Variants in MMD2 observed in about 807,000 individuals in gnomAD.
MMD2 encodes monocyte to macrophage differentiation associated 2, also known as monocyte to macrophage differentiation factor 2.
Under a neutral mutation model 33.5 loss-of-function variants are expected in MMD2, and 30 were observed. That is an observed-to-expected ratio of 0.90 (90% CI 0.67 to 1.22). The LOEUF is 1.22. Among genes scored for constraint, MMD2 ranks in the 50% most tolerant of loss-of-function variants. MMD2 has a pLI of 0.00. For missense variants in MMD2, 364 were observed against 325.4 expected (o/e 1.12, Z -0.91); for synonymous variants, 129 against 123.0 (o/e 1.05, Z -0.32).
At chr7:4,936,185 CA>C (rs61343659) in intron 1 of MMD2, among the ~76,000 whole-genome samples, 24,100 of 83,844 alleles carry the variant, frequency 0.29, 2,222 homozygotes, top group African/African-American at 0.42. Flanking sequence ...AACTCTGTCT[CA>C]AAAAAAAAAA....
chr7:4,930,958 C>T (rs868121326), intron 1 of MMD2, among the ~76,000 whole-genome samples: 4 of 152,136 alleles, frequency 2.6e-5, no homozygotes, highest in African/African-American at 7.2e-5. Context: ...TCAAGTGACT[C>T]GCCTGCCTCA....
chr7:4,939,044 C>T (rs989765084), intron 1 of MMD2, among the ~76,000 whole-genome samples: 3 of 151,886 alleles, frequency 2.0e-5, no homozygotes, highest in African/African-American at 7.3e-5. Context: ...CCCATCTCTA[C>T]TAAAAATACA....
At chr7:4,918,678 G>A (rs1362151042) in intron 3 of MMD2, among the ~76,000 whole-genome samples, 2 of 151,880 alleles carry the variant, frequency 1.3e-5, no homozygotes, top group Non-Finnish European at 2.9e-5. Context: ...AGGAGAGACA[G>A]GGTTTCACCA....
rs956851117 is a variant in MMD2, at chr7:4,940,643, G to T, written c.48-15111C>A. Among the ~76,000 whole-genome samples the T allele has an allele frequency of 6.6e-6, 1 of 152,222 alleles. No individual in the cohort carries two copies. The highest frequency in any genetic ancestry group is 2.4e-5 in the African/African-American group (1 of 41,464). On this transcript the variant is annotated intron_variant, in intron 1 of 6. Transcript: ENST00000401401. The surrounding 1 kb of genome is among the most constrained non-coding windows in gnomAD (Gnocchi z 5.0). ...CTCCTGAAAGGCCGGCGGTATCTTG[G>T]CTCAGTCTTTGGGAAACAGTCCTTG...
At chr7:4,918,651 C>T (rs1351795774) in intron 3 of MMD2, among the ~76,000 whole-genome samples, 1 of 151,852 alleles carries the variant, frequency 6.6e-6, no homozygotes, top group Non-Finnish European at 1.5e-5. Context: ...CAGTGCCTGG[C>T]TAATTTTTGT....
intron 1 of MMD2, among the ~76,000 whole-genome samples, chr7:4,948,496 C>CTGAA (rs1786152973): frequency 6.6e-6 from 1 of 151,514 alleles, no homozygotes; most frequent in East Asian, 1.9e-4. Flanking sequence ...GCACTCCAGA[C>CTGAA]TGAATGACAA....
chr7:4,949,217 T>C lies in MMD2; in HGVS notation c.47+9754A>G, dbSNP rs371189533. On this transcript the variant is annotated intron_variant, in intron 1 of 6. Transcript: ENST00000401401. The stretch of plus-strand genomic sequence containing the variant: ...AGAGTGAGACTCTGTCTCAAAAAAT[T>C]ATTATTATTAAATTATTAACTATTG... 7.2e-4 allele frequency among the ~76,000 whole-genome samples: 109 copies of C among 152,032 alleles called. 1 individual carries two copies. Among genetic ancestry groups the C allele is most frequent in the South Asian group, 1.9e-3 (9 of 4,812 alleles).
chr7:4,941,449 G>T, intron 1 of MMD2, among the ~76,000 whole-genome samples: 1 of 152,168 alleles, frequency 6.6e-6, no homozygotes, highest in East Asian at 1.9e-4. Flanking sequence ...GGCCAACATG[G>T]CGAAACCCTG....
chr7:4,916,705 G>C (rs1785153439), intron 3 of MMD2, among the ~76,000 whole-genome samples: 1 of 152,020 alleles, frequency 6.6e-6, no homozygotes, highest in Non-Finnish European at 1.5e-5. Context: ...TTTAATCAGA[G>C]CCACTGTGCA....
At chr7:4,935,686 A>C (rs975173533) in intron 1 of MMD2, among the ~76,000 whole-genome samples, 5 of 150,570 alleles carry the variant, frequency 3.3e-5, no homozygotes, top group African/African-American at 1.2e-4. Flanking sequence ...TCAAAAAAAA[A>C]AAAAAAAAAA....
the MMD2 span, among the ~76,000 whole-genome samples, chr7:4,898,294 C>T: frequency 2.0e-5 from 3 of 152,152 alleles, no homozygotes; most frequent in African/African-American, 4.8e-5. Context: ...ACTCTGGATC[C>T]CAAGGTATGA....
intron 1 of MMD2, among the ~76,000 whole-genome samples, chr7:4,953,785 A>G (rs1426367913): frequency 6.6e-6 from 1 of 152,106 alleles, no homozygotes; most frequent in African/African-American, 2.4e-5. Context: ...TCTCATTTTC[A>G]TAAAATATTT....
chr7:4,892,289 A>G, the MMD2 span, among the ~76,000 whole-genome samples: 1 of 152,162 alleles, frequency 6.6e-6, no homozygotes, highest in African/African-American at 2.4e-5. Flanking sequence ...AAAAGAACAA[A>G]ATAAAAAATA....
intron 1 of MMD2, among the ~76,000 whole-genome samples, chr7:4,953,632 G>T (rs930169693): frequency 6.6e-6 from 1 of 150,952 alleles, no homozygotes. Context: ...CACCACACCC[G>T]GCTAATTTTT....
chr7:4,927,379 T>C (rs1358292685), intron 1 of MMD2, among the ~76,000 whole-genome samples: 1 of 151,962 alleles, frequency 6.6e-6, no homozygotes, highest in African/African-American at 2.4e-5. Flanking sequence ...ACCCCATCTC[T>C]ACTAAAAATA....
the MMD2 span, among the ~76,000 whole-genome samples, chr7:4,896,348 T>A: frequency 1.3e-5 from 2 of 152,080 alleles, no homozygotes; most frequent in Non-Finnish European, 2.9e-5. Context: ...GGCATGGCAG[T>A]GTATGCCTGT....
At position 4,920,326 on chromosome 7, in the gene MMD2, C is replaced by A. The variant is rs763817807; in HGVS notation, c.135G>T (p.Trp45Cys). The change falls in exon 3 of 7, where the codon TGG becomes TGT. Residue 45 changes from tryptophan (W) to cysteine (C), a missense_variant. Coordinates refer to ENST00000401401, the MANE Select transcript of MMD2 (RefSeq NM_198403.4). ...HAANCATHAFWIIPSILGSSN... is the reference protein window; with the variant it reads ...HAANCATHAFCIIPSILGSSN... The stretch of plus-strand genomic sequence containing the variant: ...AGCTGCCCAGGATGCTGGGGATGAT[C>A]CAGAACTGGAGGGGCAGGGACGGCA... 86 of 1,607,754 alleles carry A rather than the reference C, an allele frequency of 5.3e-5. No homozygotes were observed. Among genetic ancestry groups the A allele is most frequent in the Non-Finnish European group, 6.7e-5 (79 of 1,177,584 alleles).
intron 1 of MMD2, among the ~76,000 whole-genome samples, chr7:4,929,110 A>T (rs1166359853): frequency 6.6e-6 from 1 of 152,136 alleles, no homozygotes; most frequent in East Asian, 1.9e-4. Flanking sequence ...GCCCTGGGAC[A>T]CTTGGCGCCT....
chr7:4,906,830 G>A lies in MMD2; in HGVS notation c.*566C>T. On this transcript the variant is annotated 3_prime_UTR_variant, in exon 7 of 7. Transcript: ENST00000401401. ...CATGAGTGCCAAATTGATTGGTACT[G>A]GCTGCCCAGAACACTGTGCTGGGAA... The A allele has an allele frequency of 3.1e-6, 1 of 324,440 alleles. No homozygotes were observed. The highest frequency in any genetic ancestry group is 5.6e-6 in the Non-Finnish European group (1 of 178,010). 20.1% of individuals were successfully genotyped at this position (324,440 alleles called of 1,614,324 possible).
Sources: gnomAD v4.1 joint callset for allele counts (sites outside exome capture counted in the v4.1 genomes callset) on GRCh38, gnomAD v4.1.1 for gene constraint, Gnocchi (gnomAD v3.1) non-coding constraint, MANE v1.5 for transcripts, NCBI Gene and HGNC (gene_info 2026-07-23, HGNC 2026-07-21) for gene names.